The following ARGLU1 variants were observed in gnomAD, a reference collection of about 807,000 sequenced individuals.
ARGLU1 encodes the protein arginine and glutamate-rich protein 1.
Under a neutral mutation model 37.6 loss-of-function variants are expected in ARGLU1, and 9 were observed. That is an observed-to-expected ratio of 0.24 (90% CI 0.14 to 0.42). The LOEUF is 0.42. Ranked by LOEUF, ARGLU1 falls within the 10% of genes least tolerant of loss-of-function variation. ARGLU1 has a pLI of 1.00. For missense variants in ARGLU1, 211 were observed against 359.2 expected, an observed-to-expected ratio of 0.59 and a Z score of 3.34; for synonymous variants, 166 against 138.5, an observed-to-expected ratio of 1.20 and a Z score of -1.39.
At chr13:106,547,523 G>A (rs1317506019) in intron 3 of ARGLU1, among the ~76,000 whole-genome samples, 2 of 152,050 alleles carry the variant, frequency 1.3e-5, no homozygotes, top group East Asian at 1.9e-4. Flanking sequence ...GGAGAATATT[G>A]TATAGCCATT....
In ARGLU1 at chr13:106,557,816, G is replaced by A; in HGVS notation, c.574-685C>T. 7.9e-7 allele frequency: 1 copy of A among 1,269,210 alleles called. No individual in the cohort carries two copies. The highest frequency in any genetic ancestry group is 1.0e-6 in the Non-Finnish European group (1 of 1,004,604). The allele number at this position is 1,269,210 out of a possible 1,614,324, so 78.6% of individuals were successfully genotyped here. A position where few individuals can be genotyped will look rare whatever the true frequency, so the allele number is the denominator to read the frequency against. On this transcript the variant is annotated intron_variant, in intron 2 of 3. Coordinates refer to ENST00000400198, the MANE Select transcript of ARGLU1 (RefSeq NM_018011.4). The surrounding 1 kb of genome is among the most constrained non-coding windows in gnomAD (Gnocchi z 5.0). ...TTACTGTTAGTGAAAAATACAAATG[G>A]TAATCCATACTTCATGGAACTACGG...
At chr13:106,558,552 G>A (rs1031984986) in intron 2 of ARGLU1, 2 of 985,334 alleles carry the variant, frequency 2.0e-6, no homozygotes, top group Non-Finnish European at 2.4e-6. Context: ...ACTCAGGGCT[G>A]TAAAGTAATT....
intron 1 of ARGLU1, among the ~76,000 whole-genome samples, chr13:106,565,373 C>T (rs1428394449): frequency 2.0e-5 from 3 of 152,196 alleles, no homozygotes; most frequent in Non-Finnish European, 4.4e-5. Flanking sequence ...TATACCTTGC[C>T]TGACATTGTC....
intron 3 of ARGLU1, among the ~76,000 whole-genome samples, chr13:106,554,469 G>A (rs1229019216): frequency 6.6e-6 from 1 of 152,102 alleles, no homozygotes; most frequent in Non-Finnish European, 1.5e-5. Context: ...GAAGGAAAAA[G>A]GCAATAAAAG....
intron 1 of ARGLU1, among the ~76,000 whole-genome samples, chr13:106,559,858 T>C (rs563268391): frequency 3.9e-4 from 60 of 152,276 alleles, no homozygotes; most frequent in African/African-American, 1.2e-3. Flanking sequence ...GTATAAAATC[T>C]TTTTTTCCTT....
At chr13:106,558,832 C>T in intron 2 of ARGLU1, 6 of 985,212 alleles carry the variant, frequency 6.1e-6, no homozygotes, top group Non-Finnish European at 7.2e-6. Context: ...TAAAAAGATT[C>T]CTTGAAACAC....
At chr13:106,559,716 A>T in intron 1 of ARGLU1, 59 bp from the exon 2 acceptor site, 1 of 1,526,758 alleles carries the variant, frequency 6.5e-7, no homozygotes, top group South Asian at 1.3e-5. Flanking sequence ...ATAAATTTAA[A>T]CAAAACTAGT....
chr13:106,558,885 G>A, intron 2 of ARGLU1: 2 of 985,402 alleles, frequency 2.0e-6, no homozygotes, highest in Non-Finnish European at 2.4e-6. Flanking sequence ...GCTAGAATTA[G>A]TCCATTGTGC....
At chr13:106,559,177 C>A in intron 2 of ARGLU1, 1 of 1,434,116 alleles carries the variant, frequency 7.0e-7, no homozygotes, top group South Asian at 1.2e-5. Flanking sequence ...AAGTTTCAAA[C>A]ACTTCTCAAA....
intron 3 of ARGLU1, among the ~76,000 whole-genome samples, chr13:106,552,174 T>C (rs963949317): frequency 6.6e-6 from 1 of 152,210 alleles, no homozygotes; most frequent in South Asian, 2.1e-4. Flanking sequence ...AAACATGGCA[T>C]ATCTTTTCTT....
chr13:106,557,742 AAATGT>A lies in ARGLU1; in HGVS notation c.574-616_574-612del, dbSNP rs1330050871. On this transcript the variant is annotated intron_variant, in intron 2 of 3. Transcript: ENST00000400198. The surrounding 1 kb of genome is among the most constrained non-coding windows in gnomAD (Gnocchi z 5.0). ...GATGTTTATGGTAAGAAGGAACAAAAAATGTAATTCATCATTCCTAAGGCAAACAA... is the reference window on the plus strand; with the variant it reads ...GATGTTTATGGTAAGAAGGAACAAAAAATTCATCATTCCTAAGGCAAACAA... 7.4e-7 allele frequency: 1 copy of A among 1,349,970 alleles called. No homozygotes were observed. The highest frequency in any genetic ancestry group is 9.6e-7 in the Non-Finnish European group (1 of 1,041,760). 83.6% of individuals were successfully genotyped at this position (1,349,970 alleles called of 1,614,324 possible).
Position 106,541,754 on chromosome 13 carries a change from C to CA in ARGLU1, c.*2241dup. 1 of 148,734 alleles carries CA rather than the reference C, an allele frequency of 6.7e-6. No homozygotes were observed. The highest frequency in any genetic ancestry group is 2.1e-4 in the South Asian group (1 of 4,794). 9.2% of individuals were successfully genotyped at this position (148,734 alleles called of 1,614,324 possible). A position where few individuals can be genotyped will look rare whatever the true frequency, so the allele number is the denominator to read the frequency against. ...AACTACATACTGTAATAAAAATAAA[C>CA]AAAGTCATACTTAATTCTATAATGC... On this transcript the variant is annotated 3_prime_UTR_variant, in exon 4 of 4. Transcript: ENST00000400198.
intron 2 of ARGLU1, chr13:106,558,222 A>C: frequency 1.0e-6 from 1 of 984,898 alleles, no homozygotes; most frequent in Non-Finnish European, 1.2e-6. Flanking sequence ...TACTCCAAAA[A>C]TATCTTCATT....
At chr13:106,552,255 G>A (rs938147140) in intron 3 of ARGLU1, among the ~76,000 whole-genome samples, 5 of 152,182 alleles carry the variant, frequency 3.3e-5, no homozygotes, top group African/African-American at 1.2e-4. Context: ...GGCAAGGGGT[G>A]AGAAGAAAAC....
chr13:106,551,757 T>C (rs972165383), intron 3 of ARGLU1, among the ~76,000 whole-genome samples: 1 of 152,156 alleles, frequency 6.6e-6, no homozygotes, highest in African/African-American at 2.4e-5. Context: ...CTGCGAGGAT[T>C]CCTTGGCTTC....
chr13:106,547,375 A>C (rs2138964008), intron 3 of ARGLU1, among the ~76,000 whole-genome samples: 1 of 152,330 alleles, frequency 6.6e-6, no homozygotes, highest in East Asian at 1.9e-4. Flanking sequence ...GCAATGTGCA[A>C]ATTTTGCACC....
At position 106,542,173 on chromosome 13, in the gene ARGLU1, T is replaced by C. The variant is rs1166583126; in HGVS notation, c.*1823A>G. 6.6e-6 allele frequency: 1 copy of C among 152,134 alleles called. No homozygotes were observed. Among genetic ancestry groups the C allele is most frequent in the African/African-American group, 2.4e-5 (1 of 41,428 alleles). 9.4% of individuals were successfully genotyped at this position (152,134 alleles called of 1,614,324 possible). On this transcript the variant is annotated 3_prime_UTR_variant, in exon 4 of 4. Coordinates refer to ENST00000400198, the MANE Select transcript of ARGLU1 (RefSeq NM_018011.4). ...CACGCATAAGCTGATTTCAAATATT[T>C]TAAGTCCAGGCTACTCTCTTTAGAT...
intron 3 of ARGLU1, among the ~76,000 whole-genome samples, chr13:106,547,101 C>T (rs1880411478): frequency 6.6e-6 from 1 of 152,122 alleles, no homozygotes; most frequent in Non-Finnish European, 1.5e-5. Flanking sequence ...CTCTCTAGGG[C>T]CCTCTCTGTC....
At position 106,557,160 on chromosome 13, in the gene ARGLU1, GA is replaced by G; in HGVS notation, c.574-30del. ...AAGGGGAGGATATGTTAAGATATTA[GA>G]AAAACAAAATGTTTATTTTTATTGA... On this transcript the variant is annotated intron_variant, in intron 2 of 3. Coordinates refer to ENST00000400198, the MANE Select transcript of ARGLU1 (RefSeq NM_018011.4). This position sits in a 1 kb window ranked among gnomAD's most constrained non-coding sequence, Gnocchi z 5.0. The G allele has an allele frequency of 6.4e-7, 1 of 1,553,738 alleles. No homozygotes were observed. Among genetic ancestry groups the G allele is most frequent in the Non-Finnish European group, 8.9e-7 (1 of 1,128,606 alleles).
Sources: gnomAD v4.1 joint callset for allele counts (sites outside exome capture counted in the v4.1 genomes callset) on GRCh38, gnomAD v4.1.1 for gene constraint, Gnocchi (gnomAD v3.1) non-coding constraint, MANE v1.5 for transcripts, NCBI Gene and HGNC (gene_info 2026-07-23, HGNC 2026-07-21) for gene names.